ARID2: variants seen among roughly 807,000 people sequenced by gnomAD.
The protein encoded by ARID2 is AT-rich interactive domain-containing protein 2.
In ARID2, 32 loss-of-function variants were observed where a neutral mutation model predicts 184.6. The observed-to-expected ratio is 0.17, with a 90% CI of 0.13 to 0.23. The LOEUF (loss-of-function observed/expected upper bound fraction) is 0.23, where lower values mean the gene tolerates loss of function less well. Ranked by LOEUF, ARID2 falls within the 10% of genes least tolerant of loss-of-function variation. The probability of loss-of-function intolerance (pLI) is 1.00; values close to 1 mark genes in which losing one functional copy is unlikely to be tolerated. For missense variants in ARID2, 1,696 were observed against 2,197.6 expected (o/e 0.77, Z 4.56); for synonymous variants, 836 against 772.6 (o/e 1.08, Z -1.36).
intron 16 of ARID2, among the ~76,000 whole-genome samples, chr12:45,866,928 T>TTTGTTG (rs369872664): frequency 0.014 from 2,129 of 150,158 alleles, 31 homozygotes; most frequent in African/African-American, 0.031. Flanking sequence ...TTTTGTGAAG[T>TTTGTTG]TTGTTGTTGT....
At chr12:45,834,754 C>G (rs181373210) in intron 6 of ARID2, among the ~76,000 whole-genome samples, 1 of 152,176 alleles carries the variant, frequency 6.6e-6, no homozygotes, top group East Asian at 1.9e-4. Context: ...AAAAGAAATA[C>G]GTTGGCAGAT....
At chr12:45,780,501 A>G (rs1384803433) in intron 3 of ARID2, among the ~76,000 whole-genome samples, 1 of 152,174 alleles carries the variant, frequency 6.6e-6, no homozygotes, top group Non-Finnish European at 1.5e-5. Context: ...ATGGTAATAC[A>G]TGTTGGAATT....
intron 3 of ARID2, among the ~76,000 whole-genome samples, chr12:45,788,711 T>C (rs982220525): frequency 3.9e-5 from 6 of 152,070 alleles, no homozygotes; most frequent in Non-Finnish European, 7.4e-5. Context: ...TTCCCAGCAG[T>C]GAGAGATGGA....
intron 16 of ARID2, among the ~76,000 whole-genome samples, chr12:45,865,024 A>T (rs966017909): frequency 3.3e-5 from 5 of 152,144 alleles, no homozygotes; most frequent in African/African-American, 1.2e-4. Flanking sequence ...ATTTCAGTCA[A>T]TTGAGGTTAT....
At chr12:45,857,655 T>C (rs1375366559) in intron 15 of ARID2, among the ~76,000 whole-genome samples, 2 of 152,206 alleles carry the variant, frequency 1.3e-5, no homozygotes, top group East Asian at 1.9e-4. Flanking sequence ...AAGTGAATTG[T>C]CCACATTCAC....
chr12:45,838,972 TCTC>T (rs1943277218), intron 10 of ARID2, among the ~76,000 whole-genome samples: 1 of 151,418 alleles, frequency 6.6e-6, no homozygotes, highest in South Asian at 2.1e-4. Context: ...TTCATGCCAT[TCTC>T]CTGCCTCAGC....
chr12:45,748,746 T>A (rs1941405685), intron 3 of ARID2, among the ~76,000 whole-genome samples: 1 of 152,200 alleles, frequency 6.6e-6, no homozygotes, highest in Non-Finnish European at 1.5e-5. Context: ...TTGTTGTCAT[T>A]TCAGCAATGT....
rs188494420 is a variant in ARID2 at position 45,766,659 on chromosome 12, A to G, written c.284+35345A>G. Reference sequence around the variant, plus strand: ...CTCCCGAGTAGCTGGGACTACAGGCACCCACCACCACACCTGGCTAATTTT... The same window carrying G: ...CTCCCGAGTAGCTGGGACTACAGGCGCCCACCACCACACCTGGCTAATTTT... On this transcript the variant is annotated intron_variant, in intron 3 of 20. Transcript: ENST00000334344. 5.4e-3 allele frequency among the ~76,000 whole-genome samples: 821 copies of G among 150,904 alleles called. 5 individuals carry two copies. Among genetic ancestry groups the G allele is most frequent in the African/African-American group, 0.019 (783 of 41,074 alleles).
Position 45,864,471 on chromosome 12 carries a change from T to G in ARID2, c.4922+3522T>G, listed in dbSNP as rs1469493299. ...AAGTCTTAAATCTCTTTTAATCTGT[T>G]AGATTACCCCTCCATCCCTCTTAAT... On this transcript the variant is annotated intron_variant, in intron 16 of 20. Transcript: ENST00000334344. Among the ~76,000 whole-genome samples the G allele has an allele frequency of 3.9e-5, 6 of 152,242 alleles. No individual in the cohort carries two copies. The East Asian group carries it at 1.2e-3, about 29-fold the overall frequency.
intron 6 of ARID2, 79 bp from the exon 7 acceptor site, chr12:45,836,510 C>G (rs1400412141): frequency 7.3e-7 from 1 of 1,362,324 alleles, no homozygotes; most frequent in Non-Finnish European, 1.0e-6. Context: ...GCCACCATAC[C>G]TAGCCTGTGT....
intron 3 of ARID2, among the ~76,000 whole-genome samples, chr12:45,783,334 T>A (rs1430585449): frequency 6.6e-6 from 1 of 152,118 alleles, no homozygotes; most frequent in Non-Finnish European, 1.5e-5. Context: ...GAAAAATATA[T>A]CATAACATGT....
intron 6 of ARID2, among the ~76,000 whole-genome samples, chr12:45,824,016 A>G (rs925975116): frequency 2.0e-5 from 3 of 152,174 alleles, no homozygotes; most frequent in African/African-American, 7.2e-5. Flanking sequence ...TGTGACGAAC[A>G]TAGATGCAAA....
At chr12:45,817,621 AAAGGTATCTGATCTTTGATATACTT>A (rs770507069) in intron 4 of ARID2, 24 bp from the exon 5 acceptor site, 1 of 1,326,702 alleles carries the variant, frequency 7.5e-7, no homozygotes, top group Non-Finnish European at 1.0e-6. Context: ...TATTCACCAT[AAAGGTATCTGATCTTTGATATACTT>A]AAGGTATTTT....
chr12:45,892,159 A>G, intron 18 of ARID2, 63 bp downstream of exon 18: 1 of 1,502,220 alleles, frequency 6.7e-7, no homozygotes, highest in Non-Finnish European at 9.0e-7. Context: ...AACACAAGAA[A>G]ATGAAACGCA....
chr12:45,745,891 G>A (rs1319615395), intron 3 of ARID2, among the ~76,000 whole-genome samples: 12 of 151,778 alleles, frequency 7.9e-5, no homozygotes, highest in Non-Finnish European at 1.2e-4. Flanking sequence ...TACTAAGAGA[G>A]AAAAAACACT....
intron 6 of ARID2, among the ~76,000 whole-genome samples, chr12:45,836,005 C>T (rs892382292): frequency 6.6e-6 from 1 of 151,988 alleles, no homozygotes; most frequent in Non-Finnish European, 1.5e-5. Context: ...TTTCTGATTT[C>T]TTTCACAGTC....
Position 45,905,181 on chromosome 12 carries a change from G to T in ARID2, c.*103G>T. On this transcript the variant is annotated 3_prime_UTR_variant, in exon 21 of 21. Transcript: ENST00000334344. Reference sequence around the variant, plus strand: ...CTTAATGGAACAAAGACCATAGAATGAATTATTTTATCTCCTCCCATGATG... The same window carrying T: ...CTTAATGGAACAAAGACCATAGAATTAATTATTTTATCTCCTCCCATGATG... 8.4e-7 allele frequency: 1 copy of T among 1,196,552 alleles called. No individual in the cohort carries two copies. 74.1% of individuals were successfully genotyped at this position (1,196,552 alleles called of 1,614,324 possible). A position where few individuals can be genotyped will look rare whatever the true frequency, so the allele number is the denominator to read the frequency against.
chr12:45,875,037 C>T (rs182916903), intron 16 of ARID2, among the ~76,000 whole-genome samples: 171 of 152,248 alleles, frequency 1.1e-3, no homozygotes, highest in African/African-American at 3.7e-3. Context: ...GTGGAAGGAT[C>T]GCTTGAGCCC....
chr12:45,797,360 G>A (rs962694449), intron 3 of ARID2, among the ~76,000 whole-genome samples: 1 of 152,104 alleles, frequency 6.6e-6, no homozygotes. Flanking sequence ...TCAGCCTCCT[G>A]AGTAGCTGAG....
Sources: allele counts gnomAD v4.1 joint callset (sites outside exome capture counted in the v4.1 genomes callset), GRCh38; gene constraint gnomAD v4.1.1; transcripts MANE v1.5; gene names NCBI Gene and HGNC (gene_info 2026-07-23, HGNC 2026-07-21).